The following FHAD1 variants were observed in gnomAD, a reference collection of about 807,000 sequenced individuals.
The protein encoded by FHAD1 is forkhead-associated domain-containing protein 1.
FHAD1 carries 146 observed loss-of-function variants against 191.3 expected under a neutral mutation model. The observed-to-expected ratio is 0.76, with a 90% CI of 0.67 to 0.88. The LOEUF is 0.88. FHAD1 is among the 40% of genes least tolerant of loss of function. The pLI is 0.00. For synonymous variants in FHAD1, 616 were observed against 672.3 expected (o/e 0.92, Z 1.29); for missense variants, 1,635 against 1,785.8 (o/e 0.92, Z 1.52).
intron 12 of FHAD1, chr1:15,328,045 A>AAC (rs1335030198): frequency 3.9e-6 from 1 of 256,414 alleles, no homozygotes. Context: ...AAAAAAAAAA[A>AAC]AAGAAAAGAA....
chr1:15,303,677 C>T (rs182534552), intron 6 of FHAD1, among the ~76,000 whole-genome samples: 3 of 152,144 alleles, frequency 2.0e-5, no homozygotes, highest in African/African-American at 7.2e-5. Context: ...TGGCGAAACC[C>T]GTCTCTACTA....
intron 8 of FHAD1, chr1:15,315,122 T>G (rs1673928801): frequency 6.6e-6 from 1 of 152,080 alleles, no homozygotes; most frequent in Admixed American, 6.5e-5. Flanking sequence ...ATTGCTCATG[T>G]GAACATCCGA....
At position 15,329,860 on chromosome 1, in the gene FHAD1, A is replaced by C. The variant is rs562157342; in HGVS notation, c.1906+319A>C. ...CCCATGGAAATAACCGCGTGATTCC[A>C]GGCAAGTGACTTACCCTGTCTATGC... On this transcript the variant is annotated intron_variant, in intron 14 of 33. Coordinates refer to ENST00000688493, the MANE Select transcript of FHAD1 (RefSeq NM_001391957.1). The surrounding 1 kb of genome is among the most constrained non-coding windows in gnomAD (Gnocchi z 5.0). The C allele has an allele frequency of 2.8e-4, 92 of 330,202 alleles. No individual in the cohort carries two copies. Among genetic ancestry groups the C allele is most frequent in the Non-Finnish European group, 5.1e-4 (88 of 173,080 alleles). 20.5% of individuals were successfully genotyped at this position (330,202 alleles called of 1,614,324 possible). A position where few individuals can be genotyped will look rare whatever the true frequency, so the allele number is the denominator to read the frequency against.
intron 32 of FHAD1, among the ~76,000 whole-genome samples, chr1:15,389,406 C>T (rs530371498): frequency 7.2e-6 from 1 of 138,236 alleles, no homozygotes; most frequent in East Asian, 2.1e-4. Context: ...CATAAGCATC[C>T]CGCTAAACTC....
chr1:15,398,771 G>A (rs190088694), downstream of FHAD1, among the ~76,000 whole-genome samples: 68 of 140,556 alleles, frequency 4.8e-4, no homozygotes, highest in Non-Finnish European at 6.5e-4. Context: ...CCATTCTTGT[G>A]TGGCCAGGCA....
At position 15,381,454 on chromosome 1, in the gene FHAD1, A is replaced by C. The variant is rs1407350914; in HGVS notation, c.4022+3A>C. 1 of 1,549,506 alleles carries C rather than the reference A, an allele frequency of 6.5e-7. No individual in the cohort carries two copies. The highest frequency in any genetic ancestry group is 8.7e-7 in the Non-Finnish European group (1 of 1,145,870). Reference sequence around the variant, plus strand: ...GAAAAGGACGTTGAACAGCTCAGGTACCTCGGCACCCCCATGTCCCCACAG... The same window carrying C: ...GAAAAGGACGTTGAACAGCTCAGGTCCCTCGGCACCCCCATGTCCCCACAG... On this transcript the variant is annotated splice_donor_region_variant and intron_variant, in intron 30 of 33. Coordinates refer to ENST00000688493, the MANE Select transcript of FHAD1 (RefSeq NM_001391957.1). This position sits in a 1 kb window ranked among gnomAD's most constrained non-coding sequence, Gnocchi z 4.6.
At chr1:15,321,718 CAT>C (rs1676327756) in intron 10 of FHAD1, among the ~76,000 whole-genome samples, 1 of 152,184 alleles carries the variant, frequency 6.6e-6, no homozygotes, top group African/African-American at 2.4e-5. Context: ...CTGCTGGTGT[CAT>C]ATTCTCTCAG....
intron 2 of FHAD1, among the ~76,000 whole-genome samples, chr1:15,252,847 G>A (rs1403604898): frequency 6.6e-6 from 1 of 152,176 alleles, no homozygotes; most frequent in Non-Finnish European, 1.5e-5. Flanking sequence ...CAAAGAAGTT[G>A]AAAGAAGGAG....
In FHAD1 at chr1:15,352,987, A is replaced by G. The variant is rs77626606; in HGVS notation, c.2562+3A>G. ...ATCGCTTAACCAAGCAGAAAGAGGT[A>G]TGAGCCGCAGGGAGGGAGAGACGAG... On this transcript the variant is annotated splice_donor_region_variant and intron_variant, in intron 20 of 33. Transcript: ENST00000688493. The G allele has an allele frequency of 8.1e-5, 125 of 1,548,640 alleles. 1 individual carries two copies. The East Asian group carries it at 2.6e-3, about 32-fold the overall frequency.
In FHAD1 at chr1:15,327,367, A is replaced by C; in HGVS notation, c.1557+225A>C. ...GAAATGTGTCTGTGAAAATCAAATT[A>C]AACCATTCGGGCTTACTTCTGGTCT... On this transcript the variant is annotated intron_variant, in intron 12 of 33. Coordinates refer to ENST00000688493, the MANE Select transcript of FHAD1 (RefSeq NM_001391957.1). The surrounding 1 kb of genome is among the most constrained non-coding windows in gnomAD (Gnocchi z 5.1). 1 of 500,912 alleles carries C rather than the reference A, an allele frequency of 2.0e-6. No homozygotes were observed. The highest frequency in any genetic ancestry group is 3.5e-6 in the Non-Finnish European group (1 of 282,786). 31.0% of individuals were successfully genotyped at this position (500,912 alleles called of 1,614,324 possible). A position where few individuals can be genotyped will look rare whatever the true frequency, so the allele number is the denominator to read the frequency against.
Position 15,352,942 on chromosome 1 carries a change from A to C in FHAD1, c.2520A>C (p.Lys840Asn). The C allele has an allele frequency of 6.4e-7, 1 of 1,551,506 alleles. No homozygotes were observed. Among genetic ancestry groups the C allele is most frequent in the Non-Finnish European group, 8.7e-7 (1 of 1,146,962 alleles). ...KAKEAMEKEK[K>N]KVQDLENRLT... The stretch of plus-strand genomic sequence containing the variant: ...AGGAGGCCATGGAGAAGGAAAAGAA[A>C]AAGGTGCAAGACCTGGAGAATCGCT... Residue 840 changes from lysine to asparagine, a missense_variant, in exon 20 of 34, where the codon AAA (lysine) becomes AAC (asparagine). Lys to Asn is a moderately conservative substitution (Grantham distance 94, BLOSUM62 0). Transcript: ENST00000688493.
intron 4 of FHAD1, among the ~76,000 whole-genome samples, chr1:15,293,051 A>G (rs1178804906): frequency 2.0e-5 from 3 of 152,174 alleles, no homozygotes; most frequent in Admixed American, 1.3e-4. Context: ...AGCATGGGAG[A>G]TGACTATATA....
intron 6 of FHAD1, 37 bp downstream of exon 6, chr1:15,301,478 G>T: frequency 1.3e-6 from 2 of 1,540,648 alleles, no homozygotes; most frequent in Non-Finnish European, 1.8e-6. Context: ...CAGCTCTCAG[G>T]CCAAGGCCCG....
downstream of FHAD1, among the ~76,000 whole-genome samples, chr1:15,398,346 A>G (rs1250391856): frequency 6.6e-6 from 1 of 152,062 alleles, no homozygotes; most frequent in Admixed American, 6.6e-5. Context: ...TGCTTCCATA[A>G]TAATGACTAA....
chr1:15,367,356 C>T lies in FHAD1; in HGVS notation c.3155-107C>T, dbSNP rs1011239538. 5.2e-5 allele frequency: 65 copies of T among 1,261,398 alleles called. No individual in the cohort carries two copies. The African/African-American group carries it at 8.0e-4, about 16-fold the overall frequency. The allele number at this position is 1,261,398 out of a possible 1,614,324, so 78.1% of individuals were successfully genotyped here. ...ACTAAAAATACAAAAATTAGCCAGTCGTGGTGGCGCATGCCCGTAATCCCA... is the reference window on the plus strand; with the variant it reads ...ACTAAAAATACAAAAATTAGCCAGTTGTGGTGGCGCATGCCCGTAATCCCA... On this transcript the variant is annotated intron_variant, in intron 24 of 33. Coordinates refer to ENST00000688493, the MANE Select transcript of FHAD1 (RefSeq NM_001391957.1).
intron 26 of FHAD1, among the ~76,000 whole-genome samples, chr1:15,372,406 G>A (rs1422892001): frequency 1.3e-5 from 2 of 152,190 alleles, no homozygotes; most frequent in African/African-American, 2.4e-5. Context: ...ACAAACAGAT[G>A]TCTCCTTTGC....
At position 15,308,753 on chromosome 1, in the gene FHAD1, G is replaced by T. The variant is rs541350300; in HGVS notation, c.1039+17G>T. 1.9e-6 allele frequency: 3 copies of T among 1,551,210 alleles called. No homozygotes were observed. Among genetic ancestry groups the T allele is most frequent in the African/African-American group, 2.7e-5 (2 of 73,040 alleles). On this transcript the variant is annotated intron_variant, in intron 7 of 33. Coordinates refer to ENST00000688493, the MANE Select transcript of FHAD1 (RefSeq NM_001391957.1). ...TCACATCAGGTGAGCCCTTGGAGTC[G>T]GGCCTGGGAGCTGCCACTCCCGCAC...
chr1:15,386,739 T>C (rs550892069), intron 31 of FHAD1, among the ~76,000 whole-genome samples: 172 of 152,326 alleles, frequency 1.1e-3, no homozygotes, highest in Non-Finnish European at 2.1e-3. Flanking sequence ...AAAATGAAAA[T>C]GTGCCTAACC....
chr1:15,295,538 G>A (rs529394085), intron 4 of FHAD1, among the ~76,000 whole-genome samples: 1 of 152,250 alleles, frequency 6.6e-6, no homozygotes, highest in Non-Finnish European at 1.5e-5. Flanking sequence ...AGCCCAGGAG[G>A]TCAAGGCTGC....
Sources: gnomAD v4.1 joint callset for allele counts (sites outside exome capture counted in the v4.1 genomes callset) on GRCh38, gnomAD v4.1.1 for gene constraint, Gnocchi (gnomAD v3.1) non-coding constraint, MANE v1.5 for transcripts, NCBI Gene and HGNC (gene_info 2026-07-23, HGNC 2026-07-21) for gene names.